The following CDH20 variants were observed in gnomAD, a reference collection of about 807,000 sequenced individuals.
The protein encoded by CDH20 is cadherin 20, also known as cadherin-20.
CDH20 carries 29 observed loss-of-function variants against 74.2 expected under a neutral mutation model. The ratio of observed to expected loss-of-function variants is 0.39; its 90% confidence interval spans 0.29 to 0.53. The LOEUF (loss-of-function observed/expected upper bound fraction) is 0.53, where lower values mean the gene tolerates loss of function less well. Ranked by LOEUF, CDH20 falls within the 20% of genes least tolerant of loss-of-function variation. The pLI, the probability that CDH20 is intolerant of heterozygous loss-of-function variation, is 0.69. For synonymous variants in CDH20, 469 were observed against 405.4 expected, an observed-to-expected ratio of 1.16 and a Z score of -1.88; for missense variants, 988 against 1,048.3, an observed-to-expected ratio of 0.94 and a Z score of 0.79.
At chr18:61,537,031 C>T (rs559826803) in intron 8 of CDH20, among the ~76,000 whole-genome samples, 1 of 152,196 alleles carries the variant, frequency 6.6e-6, no homozygotes, top group South Asian at 2.1e-4. Context: ...TATACATATC[C>T]ATGCCCACAA....
chr18:61,470,894 CCT>C (rs147706565), intron 1 of CDH20, among the ~76,000 whole-genome samples: 1,670 of 151,808 alleles, frequency 0.011, 31 homozygotes, highest in African/African-American at 0.037. Context: ...TCCCTCCCTC[CCT>C]CTCTCTCCCT....
At chr18:61,495,999 T>C (rs1599125069) in intron 2 of CDH20, among the ~76,000 whole-genome samples, 1 of 146,508 alleles carries the variant, frequency 6.8e-6, no homozygotes, top group East Asian at 2.1e-4. Flanking sequence ...TTCCCCGCCT[T>C]CTTCCCTCTC....
intron 2 of CDH20, among the ~76,000 whole-genome samples, chr18:61,498,126 G>A (rs911642541): frequency 8.5e-5 from 13 of 152,108 alleles, no homozygotes; most frequent in South Asian, 2.1e-4. Flanking sequence ...CTGGCTGGGC[G>A]TGGTGACTCA....
intron 1 of CDH20, among the ~76,000 whole-genome samples, chr18:61,467,882 A>G (rs759589111): frequency 1.0e-3 from 154 of 152,350 alleles, no homozygotes; most frequent in Middle Eastern, 3.4e-3. Context: ...AATAACTAGT[A>G]TCTATTGAGC....
chr18:61,382,241 T>A (rs960682167), intron 1 of CDH20, among the ~76,000 whole-genome samples: 1 of 152,204 alleles, frequency 6.6e-6, no homozygotes, highest in African/African-American at 2.4e-5. Flanking sequence ...CTTTCCTCCT[T>A]AAGTCTACAC....
chr18:61,468,700 C>T (rs543475111), intron 1 of CDH20, among the ~76,000 whole-genome samples: 7 of 152,270 alleles, frequency 4.6e-5, no homozygotes, highest in South Asian at 2.1e-4. Flanking sequence ...CTGTAAGCAT[C>T]GCTTCCATTG....
At chr18:61,520,073 T>C (rs1304765124) in intron 6 of CDH20, among the ~76,000 whole-genome samples, 1 of 150,734 alleles carries the variant, frequency 6.6e-6, no homozygotes, top group Non-Finnish European at 1.5e-5. Flanking sequence ...TCCCAGCACT[T>C]TGGGAGGCCA....
chr18:61,420,437 C>A (rs1322281457), intron 1 of CDH20, among the ~76,000 whole-genome samples: 1 of 149,916 alleles, frequency 6.7e-6, no homozygotes, highest in Non-Finnish European at 1.5e-5. Flanking sequence ...TGTGACCTAA[C>A]ACACTTTGCT....
chr18:61,367,211 A>T (rs1910891529), intron 1 of CDH20, among the ~76,000 whole-genome samples: 1 of 152,164 alleles, frequency 6.6e-6, no homozygotes, highest in Non-Finnish European at 1.5e-5. Flanking sequence ...GTTCCTTTAA[A>T]AATGTTTTAC....
intron 1 of CDH20, among the ~76,000 whole-genome samples, chr18:61,434,249 G>A (rs948838530): frequency 6.6e-6 from 1 of 152,076 alleles, no homozygotes; most frequent in Non-Finnish European, 1.5e-5. Context: ...AGAAGTCCAC[G>A]ATGGGGCCAA....
At chr18:61,441,468 C>T (rs548034562) in intron 1 of CDH20, among the ~76,000 whole-genome samples, 20 of 152,244 alleles carry the variant, frequency 1.3e-4, no homozygotes, top group Non-Finnish European at 2.8e-4. Flanking sequence ...AATTAAGGGA[C>T]TGGAGCTTAT....
chr18:61,403,975 G>A (rs1568126417), intron 1 of CDH20, among the ~76,000 whole-genome samples: 2 of 152,278 alleles, frequency 1.3e-5, no homozygotes, highest in South Asian at 2.1e-4. Flanking sequence ...GCAGACTAAC[G>A]TGGGAACAGA....
At chr18:61,533,366 G>A (rs1007124227) in intron 7 of CDH20, among the ~76,000 whole-genome samples, 22 of 152,042 alleles carry the variant, frequency 1.4e-4, no homozygotes, top group Non-Finnish European at 4.4e-5. Context: ...CTGTTGATTG[G>A]GATAATAACT....
chr18:61,472,063 G>A (rs540897978), intron 1 of CDH20, among the ~76,000 whole-genome samples: 6 of 151,968 alleles, frequency 3.9e-5, no homozygotes, highest in Non-Finnish European at 7.4e-5. Context: ...GTTTGATTCC[G>A]TTAAGAAATC....
intron 1 of CDH20, among the ~76,000 whole-genome samples, chr18:61,389,819 C>T (rs1430092549): frequency 2.0e-5 from 3 of 152,192 alleles, no homozygotes; most frequent in Non-Finnish European, 4.4e-5. Flanking sequence ...CAAAAGCTAA[C>T]ATGCCACTTG....
intron 1 of CDH20, among the ~76,000 whole-genome samples, chr18:61,360,563 A>T (rs1162652329): frequency 6.6e-6 from 1 of 152,188 alleles, no homozygotes; most frequent in Non-Finnish European, 1.5e-5. Context: ...GCTGAGATTT[A>T]TGGAGCAGTT....
chr18:61,344,419 T>C (rs1332581948), intron 1 of CDH20, among the ~76,000 whole-genome samples: 1 of 152,166 alleles, frequency 6.6e-6, no homozygotes, highest in Non-Finnish European at 1.5e-5. Flanking sequence ...TGTCCAAAAT[T>C]ATGAAGCCTG....
chr18:61,367,244 C>G (rs886569044), intron 1 of CDH20, among the ~76,000 whole-genome samples: 1 of 152,040 alleles, frequency 6.6e-6, no homozygotes, highest in African/African-American at 2.4e-5. Context: ...ATAGCTGACA[C>G]GGGAAAATGA....
intron 1 of CDH20, among the ~76,000 whole-genome samples, chr18:61,362,205 T>G (rs915320055): frequency 1.3e-5 from 2 of 152,198 alleles, no homozygotes; most frequent in African/African-American, 2.4e-5. Flanking sequence ...TAGGAACACA[T>G]GATTTTACAT....
Sources: allele counts gnomAD v4.1 joint callset (sites outside exome capture counted in the v4.1 genomes callset), GRCh38; gene constraint gnomAD v4.1.1; transcripts MANE v1.5; gene names NCBI Gene and HGNC (gene_info 2026-07-23, HGNC 2026-07-21).